SESTD1: variants seen among roughly 807,000 people sequenced by gnomAD.
SESTD1 encodes SEC14 domain and spectrin repeat-containing protein 1.
SESTD1 carries 43 observed loss-of-function variants against 101.7 expected under a neutral mutation model. The ratio of observed to expected loss-of-function variants is 0.42; its 90% CI spans 0.33 to 0.55. The LOEUF (loss-of-function observed/expected upper bound fraction) is 0.55, where lower values mean the gene tolerates loss of function less well. SESTD1 is among the 20% of genes least tolerant of loss of function. The probability of loss-of-function intolerance (pLI) is 0.07; values close to 1 mark genes in which losing one functional copy is unlikely to be tolerated. For missense variants in SESTD1, 647 were observed against 815.1 expected, an observed-to-expected ratio of 0.79 and a Z score of 2.51; for synonymous variants, 283 against 286.8, an observed-to-expected ratio of 0.99 and a Z score of 0.13.
chr2:179,242,101 T>C (rs911749885), intron 1 of SESTD1, among the ~76,000 whole-genome samples: 1 of 152,140 alleles, frequency 6.6e-6, no homozygotes, highest in Admixed American at 6.5e-5. Context: ...CTAGAACTGA[T>C]AAATGGGCTC....
In SESTD1 at chr2:179,202,602, C is replaced by T. The variant is rs751862780; in HGVS notation, c.-25-10736G>A. On this transcript the variant is annotated intron_variant, in intron 1 of 17. Coordinates refer to ENST00000428443, the MANE Select transcript of SESTD1 (RefSeq NM_178123.5). Reference sequence around the variant, plus strand: ...ACACTTTTTCCTTGAGTTTAATTTTCAGGTTACCTAAATGGGTTTCCAATA... The same window carrying T: ...ACACTTTTTCCTTGAGTTTAATTTTTAGGTTACCTAAATGGGTTTCCAATA... Among the ~76,000 whole-genome samples, 3 of 134,784 alleles carry T rather than the reference C, an allele frequency of 2.2e-5. 1 individual carries two copies. Among genetic ancestry groups the T allele is most frequent in the Non-Finnish European group, 4.8e-5 (3 of 62,792 alleles). The allele number at this position is 134,784 out of a possible 152,430, so 88.4% of individuals were successfully genotyped here.
At chr2:179,173,549 CA>C (rs2045960436) in intron 4 of SESTD1, among the ~76,000 whole-genome samples, 2 of 152,034 alleles carry the variant, frequency 1.3e-5, no homozygotes, top group East Asian at 3.9e-4. Flanking sequence ...CTTAATTTTA[CA>C]GGAGAGTAAT....
chr2:179,196,148 C>T (rs1024948461), intron 1 of SESTD1, among the ~76,000 whole-genome samples: 10 of 152,198 alleles, frequency 6.6e-5, no homozygotes, highest in Admixed American at 3.3e-4. Flanking sequence ...ACGCAGGAAG[C>T]GCAAGGGGTC....
chr2:179,132,530 T>C, intron 9 of SESTD1, 104 bp from the exon 10 acceptor site: 3 of 1,306,936 alleles, frequency 2.3e-6, no homozygotes, highest in Admixed American at 2.7e-5. Context: ...TTATTTTTAA[T>C]GTAAATTATT....
At chr2:179,133,485 C>T (rs948107157) in intron 9 of SESTD1, among the ~76,000 whole-genome samples, 1 of 152,116 alleles carries the variant, frequency 6.6e-6, no homozygotes, top group African/African-American at 2.4e-5. Flanking sequence ...ACACTCTACC[C>T]ACAATCATAT....
At chr2:179,197,889 A>C (rs1428038954) in intron 1 of SESTD1, among the ~76,000 whole-genome samples, 2 of 152,186 alleles carry the variant, frequency 1.3e-5, no homozygotes, top group Non-Finnish European at 2.9e-5. Context: ...GACTAGGAAA[A>C]AACTGCATCA....
At chr2:179,120,484 C>T (rs1378765732) in intron 13 of SESTD1, among the ~76,000 whole-genome samples, 1 of 152,146 alleles carries the variant, frequency 6.6e-6, no homozygotes, top group African/African-American at 2.4e-5. Flanking sequence ...TCAGAACAAA[C>T]CCTGGAAGCA....
Position 179,205,182 on chromosome 2 carries a change from C to G in SESTD1, c.-25-13316G>C, listed in dbSNP as rs1354001188. Among the ~76,000 whole-genome samples the G allele has an allele frequency of 1.6e-5, 2 of 125,428 alleles. 1 individual carries two copies. Among genetic ancestry groups the G allele is most frequent in the Non-Finnish European group, 3.2e-5 (2 of 61,752 alleles). 82.3% of individuals were successfully genotyped at this position (125,428 alleles called of 152,430 possible). Reference sequence around the variant, plus strand: ...AATTGAGAGTTTAGTAGACAGTCTCCAACCACACTTAAGGCTTTTTTTTTT... The same window carrying G: ...AATTGAGAGTTTAGTAGACAGTCTCGAACCACACTTAAGGCTTTTTTTTTT... On this transcript the variant is annotated intron_variant, in intron 1 of 17. Transcript: ENST00000428443.
intron 13 of SESTD1, among the ~76,000 whole-genome samples, chr2:179,119,731 CAGTA>C (rs574796446): frequency 7.9e-5 from 12 of 152,152 alleles, no homozygotes; most frequent in Non-Finnish European, 1.6e-4. Flanking sequence ...GTTTTCATGT[CAGTA>C]AGTGAGTTCT....
intron 1 of SESTD1, among the ~76,000 whole-genome samples, chr2:179,196,081 G>T (rs768343594): frequency 4.6e-5 from 7 of 152,166 alleles, no homozygotes; most frequent in Non-Finnish European, 8.8e-5. Flanking sequence ...GACAGTGGGC[G>T]CAGGTCAGTG....
At chr2:179,114,162 C>T (rs180721813) in intron 16 of SESTD1, among the ~76,000 whole-genome samples, 1 of 152,154 alleles carries the variant, frequency 6.6e-6, no homozygotes, top group Admixed American at 6.5e-5. Flanking sequence ...ATTTTGTATA[C>T]TTCCACTTAT....
At chr2:179,228,319 G>A (rs1464643999) in intron 1 of SESTD1, among the ~76,000 whole-genome samples, 1 of 152,062 alleles carries the variant, frequency 6.6e-6, no homozygotes, top group African/African-American at 2.4e-5. Context: ...CTCTTACCTC[G>A]ATTACACATT....
chr2:179,220,854 T>C (rs1227172219), intron 1 of SESTD1, among the ~76,000 whole-genome samples: 2 of 152,224 alleles, frequency 1.3e-5, no homozygotes, highest in Admixed American at 1.3e-4. Flanking sequence ...TCCTCTCTCC[T>C]TGGTTAAAAA....
intron 5 of SESTD1, among the ~76,000 whole-genome samples, chr2:179,160,861 T>TA (rs1409251948): frequency 2.0e-5 from 3 of 152,054 alleles, no homozygotes; most frequent in Non-Finnish European, 4.4e-5. Flanking sequence ...TTTTAATTTT[T>TA]TTAAAAAAGG....
chr2:179,189,413 T>TA (rs1330351364), intron 2 of SESTD1, among the ~76,000 whole-genome samples: 2 of 151,944 alleles, frequency 1.3e-5, no homozygotes, highest in Non-Finnish European at 2.9e-5. Flanking sequence ...ATTGAAGAAA[T>TA]ACATCTCAAA....
chr2:179,198,139 A>C (rs1331106518), intron 1 of SESTD1, among the ~76,000 whole-genome samples: 1 of 152,180 alleles, frequency 6.6e-6, no homozygotes, highest in East Asian at 1.9e-4. Flanking sequence ...TGGAAAACAA[A>C]GAAAGGCAGG....
At chr2:179,180,143 A>C (rs1275339716) in intron 3 of SESTD1, among the ~76,000 whole-genome samples, 1 of 152,194 alleles carries the variant, frequency 6.6e-6, no homozygotes, top group Non-Finnish European at 1.5e-5. Context: ...CCTGTGTAGA[A>C]AAGAGTCAAG....
chr2:179,185,395 T>C (rs558083243), intron 2 of SESTD1, among the ~76,000 whole-genome samples: 1 of 146,056 alleles, frequency 6.8e-6, no homozygotes, highest in Non-Finnish European at 1.5e-5. Flanking sequence ...ATATTGTATA[T>C]ATAGTATATG....
At chr2:179,162,130 T>C (rs1304433708) in intron 5 of SESTD1, among the ~76,000 whole-genome samples, 6 of 152,120 alleles carry the variant, frequency 3.9e-5, no homozygotes, top group African/African-American at 7.2e-5. Context: ...AATTGTTTAA[T>C]AGAGAAAGTC....
Sources: allele counts gnomAD v4.1 joint callset (sites outside exome capture counted in the v4.1 genomes callset), GRCh38; gene constraint gnomAD v4.1.1; transcripts MANE v1.5; gene names NCBI Gene and HGNC (gene_info 2026-07-23, HGNC 2026-07-21).